The following ZFR variants were observed in gnomAD, a reference collection of about 807,000 sequenced individuals.
ZFR encodes zinc finger RNA binding protein.
Under a neutral mutation model 130.7 loss-of-function variants are expected in ZFR, and 19 were observed. The ratio of observed to expected loss-of-function variants is 0.15; its 90% CI spans 0.10 to 0.21. The LOEUF is 0.21. ZFR is among the 10% of genes least tolerant of loss of function. The pLI, the probability that ZFR is intolerant of heterozygous loss-of-function variation, is 1.00. For synonymous variants in ZFR, 466 were observed against 456.9 expected (o/e 1.02, Z -0.25); for missense variants, 872 against 1,321.5 (o/e 0.66, Z 5.27).
At chr5:32,436,510 A>G (rs535769174) in intron 2 of ZFR, among the ~76,000 whole-genome samples, 1 of 152,244 alleles carries the variant, frequency 6.6e-6, no homozygotes, top group Non-Finnish European at 1.5e-5. Flanking sequence ...TGAATGCTTG[A>G]TATATGCCAG....
At chr5:32,381,733 T>C (rs1752941268) in intron 15 of ZFR, among the ~76,000 whole-genome samples, 1 of 152,180 alleles carries the variant, frequency 6.6e-6, no homozygotes, top group Admixed American at 6.5e-5. Flanking sequence ...CTTAGTTTTT[T>C]ACTCCTCGAG....
rs573617650 is a variant in ZFR at position 32,360,962 on chromosome 5, G to A, written c.3045+2986C>T. Among the ~76,000 whole-genome samples the A allele has an allele frequency of 4.6e-5, 7 of 152,218 alleles. No homozygotes were observed. In the East Asian group the frequency reaches 5.8e-4, roughly 13 times the overall value. On this transcript the variant is annotated intron_variant, in intron 19 of 19. Coordinates refer to ENST00000265069, the MANE Select transcript of ZFR (RefSeq NM_016107.5). ...TGAGTAGCTGCGATTACAGGTGCAC[G>A]CCACCATGCCCAGAGCTAATTAAAA... is the stretch of plus-strand genomic sequence containing the variant.
intron 17 of ZFR, among the ~76,000 whole-genome samples, chr5:32,375,767 C>CA (rs1329890628): frequency 5.3e-5 from 8 of 152,018 alleles, no homozygotes; most frequent in Non-Finnish European, 8.8e-5. Context: ...TCGGGCCTCT[C>CA]AAATAATGGG....
chr5:32,434,202 T>C (rs553356571), intron 2 of ZFR, among the ~76,000 whole-genome samples: 1 of 152,394 alleles, frequency 6.6e-6, no homozygotes, highest in South Asian at 2.1e-4. Flanking sequence ...GAGAATGGCA[T>C]ATTTCCTTTT....
intron 17 of ZFR, among the ~76,000 whole-genome samples, chr5:32,378,443 T>C (rs921054017): frequency 1.3e-5 from 2 of 152,226 alleles, no homozygotes; most frequent in African/African-American, 4.8e-5. Context: ...TAATCTTGCC[T>C]ATTAACTCTC....
At chr5:32,424,424 G>A (rs921760338) in intron 2 of ZFR, among the ~76,000 whole-genome samples, 21 of 151,990 alleles carry the variant, frequency 1.4e-4, no homozygotes, top group Admixed American at 1.1e-3. Flanking sequence ...CCGGCTACTC[G>A]GGAGGTTGAG....
chr5:32,444,166 T>A, intron 2 of ZFR, 63 bp downstream of exon 2: 3 of 1,536,110 alleles, frequency 2.0e-6, no homozygotes, highest in Admixed American at 3.7e-5. Flanking sequence ...GGGCGTCGCA[T>A]CGACAGGATC....
At chr5:32,439,804 TAAAAAAAAAA>T (rs11446399) in intron 2 of ZFR, among the ~76,000 whole-genome samples, 1 of 72,458 alleles carries the variant, frequency 1.4e-5, no homozygotes, top group Admixed American at 2.1e-4. Context: ...ACCATGTCTT[TAAAAAAAAAA>T]AAAAAAAAAA....
At chr5:32,432,499 A>C (rs572412569) in intron 2 of ZFR, among the ~76,000 whole-genome samples, 1 of 151,974 alleles carries the variant, frequency 6.6e-6, no homozygotes, top group Non-Finnish European at 1.5e-5. Flanking sequence ...TTTAAATTGG[A>C]TTATTTGACT....
At chr5:32,383,749 G>C (rs1752981851) in intron 15 of ZFR, 1 of 456,524 alleles carries the variant, frequency 2.2e-6, no homozygotes, top group South Asian at 1.5e-5. Flanking sequence ...TGCAGTGAGA[G>C]AGAATACATA....
chr5:32,444,295 G>A lies in ZFR; in HGVS notation c.71C>T (p.Ala24Val). Residue 24 changes from alanine to valine, a missense_variant, in exon 2 of 20, where the codon GCG becomes GTG. Transcript: ENST00000265069. ...GGTGAATCCAAAGTAGTTGCCGGTC[G>A]CCATTTTGGCATCTTCCCCCAGCCG... ...PSRLGEDAKM[A>V]TGNYFGFTHS... The A allele has an allele frequency of 1.9e-6, 3 of 1,547,784 alleles. No individual in the cohort carries two copies. Among genetic ancestry groups the A allele is most frequent in the South Asian group, 1.2e-5 (1 of 83,090 alleles).
At chr5:32,416,796 T>C (rs1753836136) in intron 4 of ZFR, among the ~76,000 whole-genome samples, 1 of 152,032 alleles carries the variant, frequency 6.6e-6, no homozygotes, top group Non-Finnish European at 1.5e-5. Flanking sequence ...AAAAAATCAC[T>C]TGCCCACATT....
chr5:32,386,946 A>AT (rs1753057891), intron 14 of ZFR, among the ~76,000 whole-genome samples: 1 of 152,076 alleles, frequency 6.6e-6, no homozygotes, highest in Admixed American at 6.6e-5. Flanking sequence ...AATATATAAA[A>AT]TTTTTATAAA....
intron 2 of ZFR, among the ~76,000 whole-genome samples, chr5:32,423,204 G>A (rs1032647613): frequency 3.3e-5 from 5 of 152,136 alleles, no homozygotes; most frequent in African/African-American, 1.2e-4. Context: ...GTCGTGGCAT[G>A]CATCTGTAGT....
Position 32,420,019 on chromosome 5 carries a change from G to A in ZFR, c.222C>T (p.His74=). 6.2e-7 allele frequency: 1 copy of A among 1,613,754 alleles called. No individual in the cohort carries two copies. Among genetic ancestry groups the A allele is most frequent in the Non-Finnish European group, 8.5e-7 (1 of 1,180,012 alleles). ...YTVHQAPVAA[H]TVTAAYAPAA... ...CTGGTGCATAGGCAGCAGTAACTGT[G>A]TGAGCAGCTACTGGAGCCTGATGGA... Residue 74 remains histidine, a synonymous_variant, in exon 3 of 20, where the codon CAC becomes CAT. Transcript: ENST00000265069.
chr5:32,409,114 G>C (rs1220680110), intron 5 of ZFR, among the ~76,000 whole-genome samples: 1 of 152,070 alleles, frequency 6.6e-6, no homozygotes, highest in Non-Finnish European at 1.5e-5. Context: ...CTGTCAACTA[G>C]GAATCTCTCT....
intron 19 of ZFR, among the ~76,000 whole-genome samples, chr5:32,362,375 C>T (rs1391646462): frequency 1.3e-5 from 2 of 152,096 alleles, no homozygotes; most frequent in African/African-American, 4.8e-5. Flanking sequence ...AAGGTAGACA[C>T]TGTGGAAGGA....
At chr5:32,415,590 A>G (rs1753810535) in intron 4 of ZFR, among the ~76,000 whole-genome samples, 1 of 152,000 alleles carries the variant, frequency 6.6e-6, no homozygotes, top group East Asian at 1.9e-4. Context: ...AATGAGTTAC[A>G]ATGTACATAT....
chr5:32,435,774 A>G (rs1461647622), intron 2 of ZFR, among the ~76,000 whole-genome samples: 1 of 152,232 alleles, frequency 6.6e-6, no homozygotes, highest in African/African-American at 2.4e-5. Context: ...TATGAATTCA[A>G]AAAATTTATT....
Sources: allele counts gnomAD v4.1 joint callset (sites outside exome capture counted in the v4.1 genomes callset), GRCh38; gene constraint gnomAD v4.1.1; transcripts MANE v1.5; gene names NCBI Gene and HGNC (gene_info 2026-07-23, HGNC 2026-07-21).